Variants in TEDC2 observed in about 807,000 individuals in gnomAD.
The protein encoded by TEDC2 is tubulin epsilon and delta complex protein 2.
A neutral mutation model predicts 48.1 loss-of-function variants in TEDC2; 49 were observed. That is an observed-to-expected ratio of 1.02 (90% CI 0.81 to 1.29). The LOEUF (loss-of-function observed/expected upper bound fraction) is 1.29, where lower values mean the gene tolerates loss of function less well. TEDC2 is among the 50% of genes most tolerant of loss of function. The probability of loss-of-function intolerance (pLI) is 0.00; values close to 1 mark genes in which losing one functional copy is unlikely to be tolerated. For synonymous variants in TEDC2, 299 were observed against 247.1 expected, an observed-to-expected ratio of 1.21 and a Z score of -1.97; for missense variants, 631 against 571.4, an observed-to-expected ratio of 1.10 and a Z score of -1.06.
intron 8 of TEDC2, 98 bp downstream of exon 8, chr16:2,462,830 GC>G: frequency 8.5e-7 from 1 of 1,178,694 alleles, no homozygotes; most frequent in Non-Finnish European, 1.2e-6. Flanking sequence ...AGGGTGAGCA[GC>G]CCAGGGACCA....
chr16:2,462,381 TG>T, intron 6 of TEDC2, 33 bp from the exon 7 acceptor site: 1 of 1,609,884 alleles, frequency 6.2e-7, no homozygotes, highest in Non-Finnish European at 8.5e-7. Context: ...AGAGGGGCTT[TG>T]GCTGCAGGGA....
chr16:2,462,881 T>C (rs2065475737), intron 8 of TEDC2, 149 bp downstream of exon 8: 2 of 696,232 alleles, frequency 2.9e-6, no homozygotes, highest in Non-Finnish European at 4.7e-6. Flanking sequence ...CCCACGCCAC[T>C]CCCCAGTGTG....
intron 8 of TEDC2, 55 bp downstream of exon 8, chr16:2,462,787 G>T: frequency 1.4e-6 from 2 of 1,456,410 alleles, no homozygotes; most frequent in Non-Finnish European, 1.8e-6. Flanking sequence ...CGGGGACAGG[G>T]TGCTTTAGCC....
Position 2,460,400 on chromosome 16 carries a change from C to A in TEDC2, c.125+19C>A. 4 of 1,544,528 alleles carry A rather than the reference C, an allele frequency of 2.6e-6. No homozygotes were observed. Among genetic ancestry groups the A allele is most frequent in the Non-Finnish European group, 3.5e-6 (4 of 1,146,148 alleles). On this transcript the variant is annotated intron_variant, in intron 2 of 9. Transcript: ENST00000361837. ...ATGCCTGGTACGCGGACCCCGGACC[C>A]ACTGGCCAGACCTCCCTCGGGCCCT...
intron 2 of TEDC2, 30 bp downstream of exon 2, chr16:2,460,411 C>T (rs1218998372): frequency 1.3e-6 from 2 of 1,542,936 alleles, no homozygotes; most frequent in Non-Finnish European, 8.7e-7. Flanking sequence ...ACTGGCCAGA[C>T]CTCCCTCGGG....
chr16:2,462,777 C>G (rs986713965), intron 8 of TEDC2, 45 bp downstream of exon 8: 1 of 1,479,348 alleles, frequency 6.8e-7, no homozygotes, highest in South Asian at 1.3e-5. Flanking sequence ...AGGTCTGGGC[C>G]GGGGACAGGG....
chr16:2,464,284 C>T (rs539770191), intron 9 of TEDC2, 55 bp downstream of exon 9: 14 of 1,566,716 alleles, frequency 8.9e-6, no homozygotes, highest in African/African-American at 4.0e-5. Flanking sequence ...CTTGAGGACC[C>T]GAGGGTAGGG....
chr16:2,462,133 C>T lies in TEDC2; in HGVS notation c.660-16C>T, dbSNP rs755479631. The T allele has an allele frequency of 1.2e-6, 2 of 1,606,696 alleles. No individual in the cohort carries two copies. Among genetic ancestry groups the T allele is most frequent in the East Asian group, 2.2e-5 (1 of 44,858 alleles). On this transcript the variant is annotated splice_polypyrimidine_tract_variant and intron_variant, in intron 5 of 9. Coordinates refer to ENST00000361837, the MANE Select transcript of TEDC2 (RefSeq NM_025108.3). ...CCCTCTGTGGTTCCTCTGTGCACCC[C>T]ACGTGTGCACCCCAGCCTGTGGGCC...
chr16:2,461,586 T>G, intron 4 of TEDC2, 161 bp from the exon 5 acceptor site: 1 of 812,002 alleles, frequency 1.2e-6, no homozygotes, highest in Non-Finnish European at 2.0e-6. Flanking sequence ...GCTTCTCCTA[T>G]GGCCACTCTG....
At chr16:2,461,583 C>A in intron 4 of TEDC2, 164 bp from the exon 5 acceptor site, 1 of 803,034 alleles carries the variant, frequency 1.2e-6, no homozygotes. Flanking sequence ...GATGCTTCTC[C>A]TATGGCCACT....
Position 2,462,632 on chromosome 16 carries a change from C to T in TEDC2, c.864C>T (p.Ala288=). 1.9e-6 allele frequency: 3 copies of T among 1,544,816 alleles called. No individual in the cohort carries two copies. The highest frequency in any genetic ancestry group is 1.2e-5 in the South Asian group (1 of 83,364). The part of the protein sequence containing the change: ...RLRMREELSA[A]PMDWMQEYRC... Reference sequence around the variant, plus strand: ...CTGCTCTCCCTGACTCTTCTGCAGCCCCCATGGACTGGATGCAGGAGTACC... The same window carrying T: ...CTGCTCTCCCTGACTCTTCTGCAGCTCCCATGGACTGGATGCAGGAGTACC... Residue 288 remains alanine, a splice_region_variant and synonymous_variant, in exon 8 of 10, where the codon GCC becomes GCT. Transcript: ENST00000361837.
Position 2,460,632 on chromosome 16 carries a change from T to C in TEDC2, c.135T>C (p.Thr45=). Reference sequence around the variant, plus strand: ...GCCCGTGTCTTTGCAGGGAACCAACTGGGACCCGGGCTTTGAAGCCACCTC... The same window carrying C: ...GCCCGTGTCTTTGCAGGGAACCAACCGGGACCCGGGCTTTGAAGCCACCTC... ...CRRLLHAWEP[T]GTRALKPPPG... is the part of the protein sequence containing the mutation. The change falls in exon 3 of 10, where the codon ACT becomes ACC. Residue 45 remains threonine, a synonymous_variant. Transcript: ENST00000361837. The C allele has an allele frequency of 6.2e-7, 1 of 1,612,892 alleles. No individual in the cohort carries two copies. Among genetic ancestry groups the C allele is most frequent in the East Asian group, 2.2e-5 (1 of 44,858 alleles).
In TEDC2 at chr16:2,464,678, A is replaced by G. The variant is rs781733909; in HGVS notation, c.*10A>G. 1.2e-6 allele frequency: 2 copies of G among 1,612,750 alleles called. No homozygotes were observed. Among genetic ancestry groups the G allele is most frequent in the East Asian group, 2.2e-5 (1 of 44,868 alleles). On this transcript the variant is annotated 3_prime_UTR_variant, in exon 10 of 10. Transcript: ENST00000361837. ...TGAACCTGCAGTCTGAGCCTTTCCCATGCTGCCCTCGGCCTGTTCAGATGG... is the reference window on the plus strand; with the variant it reads ...TGAACCTGCAGTCTGAGCCTTTCCCGTGCTGCCCTCGGCCTGTTCAGATGG...
Position 2,460,131 on chromosome 16 carries a change from A to ACGC in TEDC2, c.-6_-4dup. 7.7e-7 allele frequency: 1 copy of ACGC among 1,306,160 alleles called. No individual in the cohort carries two copies. Among genetic ancestry groups the ACGC allele is most frequent in the Non-Finnish European group, 9.7e-7 (1 of 1,033,862 alleles). 80.9% of individuals were successfully genotyped at this position (1,306,160 alleles called of 1,614,324 possible). A position where few individuals can be genotyped will look rare whatever the true frequency, so the allele number is the denominator to read the frequency against. ...TTCAGAGGCGGCAAATTGCAAGGAG[A>ACGC]CGCCGCCGCCTTCATGCTGCCGGCG... On this transcript the variant is annotated 5_prime_UTR_variant, in exon 1 of 10. Coordinates refer to ENST00000361837, the MANE Select transcript of TEDC2 (RefSeq NM_025108.3).
At chr16:2,461,701 C>T (rs1177604025) in intron 4 of TEDC2, 46 bp from the exon 5 acceptor site, 2 of 1,609,558 alleles carry the variant, frequency 1.2e-6, no homozygotes, top group East Asian at 2.2e-5. Context: ...GACTTGTAGA[C>T]CCCAGAGCAA....
At chr16:2,462,378 C>G (rs1438489539) in intron 6 of TEDC2, 37 bp from the exon 7 acceptor site, 6 of 1,609,220 alleles carry the variant, frequency 3.7e-6, no homozygotes, top group Non-Finnish European at 5.1e-6. Flanking sequence ...AGCAGAGGGG[C>G]TTTGGCTGCA....
chr16:2,463,858 G>C, intron 8 of TEDC2, 181 bp from the exon 9 acceptor site: 2 of 639,666 alleles, frequency 3.1e-6, no homozygotes, highest in South Asian at 4.1e-5. Flanking sequence ...ACCCCACAGA[G>C]GACTCCCTGC....
intron 8 of TEDC2, 23 bp from the exon 9 acceptor site, chr16:2,464,016 G>C (rs754371523): frequency 9.4e-6 from 15 of 1,593,564 alleles, no homozygotes; most frequent in African/African-American, 1.3e-5. Flanking sequence ...TACCCCAAAG[G>C]CCACATTCTC....
Position 2,464,645 on chromosome 16 carries a change from C to G in TEDC2, c.1279C>G (p.Leu427Val). ...CEGGARVLTI[L>V]RDEPAV ...GGGAGGAGCACGTGTCCTTACCATC[C>G]TGCGGGATGAACCTGCAGTCTGAGC... is the stretch of plus-strand genomic sequence containing the variant. Residue 427 changes from leucine (L) to valine (V), a missense_variant, in exon 10 of 10, where the codon CTG becomes GTG. Transcript: ENST00000361837. 4 of 1,613,072 alleles carry G rather than the reference C, an allele frequency of 2.5e-6. No homozygotes were observed. The highest frequency in any genetic ancestry group is 3.4e-6 in the Non-Finnish European group (4 of 1,179,988).
Sources: allele counts gnomAD v4.1 joint callset, GRCh38; gene constraint gnomAD v4.1.1; transcripts MANE v1.5; gene names NCBI Gene and HGNC (gene_info 2026-07-23, HGNC 2026-07-21).